The following EMILIN2 variants were observed in gnomAD, a reference collection of about 807,000 sequenced individuals.
The protein encoded by EMILIN2 is EMILIN-2.
Under a neutral mutation model 87.1 loss-of-function variants are expected in EMILIN2, and 71 were observed. That is an observed-to-expected ratio of 0.82 (90% CI 0.67 to 0.99). The LOEUF (loss-of-function observed/expected upper bound fraction) is 0.99. EMILIN2 is among the 50% of genes least tolerant of loss of function. The pLI, the probability that EMILIN2 is intolerant of heterozygous loss-of-function variation, is 0.00. For synonymous variants in EMILIN2, 581 were observed against 563.4 expected (o/e 1.03, Z -0.44); for missense variants, 1,407 against 1,371.8 (o/e 1.03, Z -0.40).
intron 3 of EMILIN2, among the ~76,000 whole-genome samples, chr18:2,886,035 C>T (rs79781009): frequency 0.015 from 2,217 of 152,278 alleles, 71 homozygotes; most frequent in African/African-American, 0.049. Flanking sequence ...TTTAAGGATA[C>T]ATAATCTCAT....
At chr18:2,907,650 A>AGT (rs1202662168) in intron 5 of EMILIN2, among the ~76,000 whole-genome samples, 1 of 152,202 alleles carries the variant, frequency 6.6e-6, no homozygotes, top group Non-Finnish European at 1.5e-5. Flanking sequence ...TCGTGGTGAC[A>AGT]GTGGGGGTGG....
At position 2,874,097 on chromosome 18, in the gene EMILIN2, T is replaced by C. The variant is rs2076735764; in HGVS notation, c.258-10867T>C. ...GTCCGTTGGCCACCCTGATTTGTCC[T>C]GGAGAAAAGCTCCTCTTTCCTTCTT... On this transcript the variant is annotated intron_variant, in intron 2 of 7. Coordinates refer to ENST00000254528, the MANE Select transcript of EMILIN2 (RefSeq NM_032048.3). Among the ~76,000 whole-genome samples, 3 of 128,536 alleles carry C rather than the reference T, an allele frequency of 2.3e-5. No homozygotes were observed. The South Asian group carries it at 8.5e-4, about 36-fold the overall frequency. The allele number at this position is 128,536 out of a possible 152,430, so 84.3% of individuals were successfully genotyped here. A position where few individuals can be genotyped will look rare whatever the true frequency, so the allele number is the denominator to read the frequency against.
rs1351843472 is a variant in EMILIN2 at position 2,894,850 on chromosome 18, G to A, written c.2359+2364G>A. 6.6e-6 allele frequency among the ~76,000 whole-genome samples: 1 copy of A among 152,158 alleles called. No individual in the cohort carries two copies. The highest frequency in any genetic ancestry group is 2.4e-5 in the African/African-American group (1 of 41,436). Reference sequence around the variant, plus strand: ...GTGCATGGGAGAATCTGGAGCTAAGGTCACAATGAAAGTGACATGTCAATC... The same window carrying A: ...GTGCATGGGAGAATCTGGAGCTAAGATCACAATGAAAGTGACATGTCAATC... On this transcript the variant is annotated intron_variant, in intron 4 of 7. Transcript: ENST00000254528. The surrounding 1 kb of genome is among the most constrained non-coding windows in gnomAD (Gnocchi z 5.0).
chr18:2,875,554 G>T (rs1036627178), intron 2 of EMILIN2, among the ~76,000 whole-genome samples: 1 of 152,188 alleles, frequency 6.6e-6, no homozygotes, highest in Admixed American at 6.5e-5. Flanking sequence ...CGATGGTTCA[G>T]CCATGCCAGT....
chr18:2,910,796 C>T (rs2076937054), intron 7 of EMILIN2, among the ~76,000 whole-genome samples: 1 of 152,238 alleles, frequency 6.6e-6, no homozygotes, highest in Non-Finnish European at 1.5e-5. Context: ...TGTCCTTAGT[C>T]AGTGGCTCTT....
intron 2 of EMILIN2, among the ~76,000 whole-genome samples, chr18:2,862,615 G>A (rs1224073036): frequency 2.0e-5 from 3 of 152,224 alleles, no homozygotes; most frequent in East Asian, 1.9e-4. Context: ...TGCTGGATTC[G>A]GTTTGCCAGT....
intron 2 of EMILIN2, among the ~76,000 whole-genome samples, chr18:2,856,145 C>T (rs780643280): frequency 1.8e-4 from 28 of 151,958 alleles, no homozygotes; most frequent in East Asian, 3.8e-4. Flanking sequence ...GAGGCTGAGG[C>T]GGGAGGATCG....
intron 2 of EMILIN2, among the ~76,000 whole-genome samples, chr18:2,882,987 C>T (rs649225): frequency 0.46 from 69,405 of 151,998 alleles, 16,326 homozygotes; most frequent in South Asian, 0.49. Context: ...TTGCAGTGTA[C>T]CATGATTGTA....
intron 2 of EMILIN2, among the ~76,000 whole-genome samples, chr18:2,878,887 C>T (rs2076762965): frequency 6.6e-6 from 1 of 152,166 alleles, no homozygotes; most frequent in African/African-American, 2.4e-5. Context: ...TACTAAAAGT[C>T]GGCTCTCCAG....
At chr18:2,905,034 C>T (rs572445935) in intron 4 of EMILIN2, among the ~76,000 whole-genome samples, 17 of 152,326 alleles carry the variant, frequency 1.1e-4, no homozygotes, top group Non-Finnish European at 2.4e-4. Flanking sequence ...TTCAATCCCT[C>T]TGCCTCAGTT....
In EMILIN2 at chr18:2,847,470, G is replaced by C; in HGVS notation, c.134+148G>C. 2 of 984,558 alleles carry C rather than the reference G, an allele frequency of 2.0e-6. No individual in the cohort carries two copies. Among genetic ancestry groups the C allele is most frequent in the Non-Finnish European group, 2.7e-6 (2 of 751,986 alleles). 61.0% of individuals were successfully genotyped at this position (984,558 alleles called of 1,614,324 possible). On this transcript the variant is annotated intron_variant, in intron 1 of 7. Coordinates refer to ENST00000254528, the MANE Select transcript of EMILIN2 (RefSeq NM_032048.3). The surrounding 1 kb of genome is among the most constrained non-coding windows in gnomAD (Gnocchi z 4.5). ...GGCGGCTCCCTCTGCGGGGGACCGC[G>C]CGCTCCGCAGCCGGCGCCTCAGGCA...
chr18:2,889,693 T>TTTC (rs2076824047), intron 3 of EMILIN2, among the ~76,000 whole-genome samples: 1 of 20,540 alleles, frequency 4.9e-5, no homozygotes, highest in African/African-American at 1.6e-4. Flanking sequence ...TTTTCTTTTC[T>TTTC]TTTTTTTTTT....
chr18:2,895,315 G>A (rs1236748892), intron 4 of EMILIN2, among the ~76,000 whole-genome samples: 1 of 152,150 alleles, frequency 6.6e-6, no homozygotes, highest in African/African-American at 2.4e-5. Flanking sequence ...GGAATAAGGT[G>A]AGATGAGAGA....
chr18:2,914,278 C>T lies in EMILIN2; in HGVS notation c.*874C>T, dbSNP rs1295607631. 1 of 152,196 alleles carries T rather than the reference C, an allele frequency of 6.6e-6. No homozygotes were observed. Among genetic ancestry groups the T allele is most frequent in the Non-Finnish European group, 1.5e-5 (1 of 68,050 alleles). The allele number at this position is 152,196 out of a possible 1,614,324, so 9.4% of individuals were successfully genotyped here. A position where few individuals can be genotyped will look rare whatever the true frequency, so the allele number is the denominator to read the frequency against. On this transcript the variant is annotated 3_prime_UTR_variant, in exon 8 of 8. Coordinates refer to ENST00000254528, the MANE Select transcript of EMILIN2 (RefSeq NM_032048.3). ...CTTGTGAAGACGGACCAGATGTGCA[C>T]GGAGGTCAAGGCCCCATGTCATCTG...
intron 7 of EMILIN2, among the ~76,000 whole-genome samples, 155 bp downstream of exon 7, chr18:2,909,974 C>T (rs1443304599): frequency 6.6e-6 from 1 of 152,232 alleles, no homozygotes; most frequent in Non-Finnish European, 1.5e-5. Flanking sequence ...CTCCTCTGCC[C>T]GACTCTGTGG....
intron 2 of EMILIN2, among the ~76,000 whole-genome samples, chr18:2,864,701 T>C (rs898325217): frequency 2.6e-5 from 4 of 152,152 alleles, no homozygotes; most frequent in Non-Finnish European, 4.4e-5. Context: ...TGTCTTGGAG[T>C]TGCTCTTCTC....
intron 2 of EMILIN2, among the ~76,000 whole-genome samples, chr18:2,853,761 C>G (rs1451588262): frequency 6.6e-6 from 1 of 152,204 alleles, no homozygotes; most frequent in East Asian, 1.9e-4. Context: ...GGCTGAGCAC[C>G]CTGAGGGTGC....
At chr18:2,907,565 G>A (rs780868065) in intron 5 of EMILIN2, among the ~76,000 whole-genome samples, 1 of 152,226 alleles carries the variant, frequency 6.6e-6, no homozygotes, top group African/African-American at 2.4e-5. Flanking sequence ...CTTACTGTGA[G>A]GATGGAGAAA....
At chr18:2,864,960 A>G in intron 2 of EMILIN2, among the ~76,000 whole-genome samples, 1 of 152,036 alleles carries the variant, frequency 6.6e-6, no homozygotes, top group African/African-American at 2.4e-5. Flanking sequence ...ACTTCATTTC[A>G]TTCATTTGAT....
Sources: gnomAD v4.1 joint callset for allele counts (sites outside exome capture counted in the v4.1 genomes callset) on GRCh38, gnomAD v4.1.1 for gene constraint, Gnocchi (gnomAD v3.1) non-coding constraint, MANE v1.5 for transcripts, NCBI Gene and HGNC (gene_info 2026-07-23, HGNC 2026-07-21) for gene names.